Variants in PHACTR1 observed in about 807,000 individuals in gnomAD.
PHACTR1 encodes RPEL repeat containing 1.
PHACTR1 carries 16 observed loss-of-function variants against 69.2 expected under a neutral mutation model. The observed-to-expected ratio is 0.23, with a 90% CI of 0.16 to 0.35. The LOEUF is 0.35. Ranked by LOEUF, PHACTR1 falls within the 10% of genes least tolerant of loss-of-function variation. The pLI is 1.00. For synonymous variants in PHACTR1, 312 were observed against 284.5 expected, an observed-to-expected ratio of 1.10 and a Z score of -0.97; for missense variants, 510 against 734.7, an observed-to-expected ratio of 0.69 and a Z score of 3.54.
chr6:13,064,547 GATATATATATATATATATATATATAT>G lies in PHACTR1; in HGVS notation c.415+11051_415+11076del, dbSNP rs1195089569. On this transcript the variant is annotated intron_variant, in intron 5 of 14. Coordinates refer to ENST00000332995, the MANE Select transcript of PHACTR1 (RefSeq NM_030948.6). ...GCAACGGGAAGGGGAGAAGGGAAAA[GATATATATATATATATATATATATAT>G]ATATATATATATATATATATATATA... Among the ~76,000 whole-genome samples the G allele has an allele frequency of 9.7e-4, 68 of 70,218 alleles. 2 individuals are homozygous for G. The highest frequency in any genetic ancestry group is 2.3e-3 in the African/African-American group (46 of 20,326). The allele number at this position is 70,218 out of a possible 152,430, so 46.1% of individuals were successfully genotyped here.
intron 10 of PHACTR1, among the ~76,000 whole-genome samples, chr6:13,237,575 T>C (rs1045794825): frequency 6.6e-6 from 1 of 152,226 alleles, no homozygotes; most frequent in African/African-American, 2.4e-5. Context: ...GTAGGTATGT[T>C]GTAAATGTAA....
chr6:12,879,260 T>A (rs1350947441), intron 4 of PHACTR1, among the ~76,000 whole-genome samples: 2 of 151,966 alleles, frequency 1.3e-5, no homozygotes, highest in African/African-American at 4.8e-5. Context: ...GAGAGAAGAG[T>A]AATCTCTCTG....
At chr6:13,213,550 A>G (rs1354996452) in intron 8 of PHACTR1, among the ~76,000 whole-genome samples, 1 of 152,144 alleles carries the variant, frequency 6.6e-6, no homozygotes, top group African/African-American at 2.4e-5. Flanking sequence ...CTATGGTTTG[A>G]GTGTCTCTCC....
At chr6:12,972,680 C>G (rs1374686015) in intron 4 of PHACTR1, among the ~76,000 whole-genome samples, 1 of 146,578 alleles carries the variant, frequency 6.8e-6, no homozygotes, top group African/African-American at 2.5e-5. Context: ...GAGACAGAGT[C>G]TCACTCTGTC....
rs183396192 is a variant in PHACTR1, at chr6:13,140,147, A to C, written c.416-20057A>C. Among the ~76,000 whole-genome samples the C allele has an allele frequency of 1.2e-3, 182 of 152,026 alleles. 1 individual carries two copies. The highest frequency in any genetic ancestry group is 4.2e-3 in the African/African-American group (175 of 41,492). On this transcript the variant is annotated intron_variant, in intron 5 of 14. Transcript: ENST00000332995. ...AAAACACAGATAATAACAAATATTGATGAGGATGTGGAGAAATTTGAACCC... is the reference window on the plus strand; with the variant it reads ...AAAACACAGATAATAACAAATATTGCTGAGGATGTGGAGAAATTTGAACCC...
At chr6:13,092,576 A>G (rs1403773992) in intron 5 of PHACTR1, among the ~76,000 whole-genome samples, 1 of 152,206 alleles carries the variant, frequency 6.6e-6, no homozygotes, top group African/African-American at 2.4e-5. Context: ...CTTTATTGCT[A>G]TTATTATTAC....
At chr6:12,787,165 A>G (rs1037713602) in intron 4 of PHACTR1, among the ~76,000 whole-genome samples, 4 of 152,248 alleles carry the variant, frequency 2.6e-5, no homozygotes, top group Admixed American at 1.3e-4. Context: ...TGGTGAAATT[A>G]GGACAATGTG....
Position 13,283,675 on chromosome 6 carries a change from C to G in PHACTR1, c.1650+113C>G. 1 of 1,517,126 alleles carries G rather than the reference C, an allele frequency of 6.6e-7. No homozygotes were observed. Among genetic ancestry groups the G allele is most frequent in the Non-Finnish European group, 9.1e-7 (1 of 1,102,240 alleles). The allele number at this position is 1,517,126 out of a possible 1,614,324, so 94.0% of individuals were successfully genotyped here. On this transcript the variant is annotated intron_variant, in intron 13 of 14. Transcript: ENST00000332995. This position sits in a 1 kb window ranked among gnomAD's most constrained non-coding sequence, Gnocchi z 4.7. ...CTGCAGCCAGGCCTCAGCCGCAGTC[C>G]CCATAATGGAGTGTTGAGACCCCAA...
intron 4 of PHACTR1, among the ~76,000 whole-genome samples, chr6:12,882,391 CA>C (rs1174627617): frequency 1.2e-4 from 18 of 152,098 alleles, no homozygotes; most frequent in African/African-American, 4.3e-4. Flanking sequence ...CCCAGATCCA[CA>C]TAGTGACTTT....
chr6:12,878,405 C>G (rs1030654936), intron 4 of PHACTR1, among the ~76,000 whole-genome samples: 1 of 152,216 alleles, frequency 6.6e-6, no homozygotes, highest in Non-Finnish European at 1.5e-5. Flanking sequence ...TCTAATTCAA[C>G]TCCTGTACTT....
intron 5 of PHACTR1, among the ~76,000 whole-genome samples, chr6:13,105,145 G>T (rs1815879559): frequency 6.6e-6 from 1 of 152,158 alleles, no homozygotes; most frequent in Non-Finnish European, 1.5e-5. Context: ...ACTTTGAGAG[G>T]CCAAGGAGGG....
intron 4 of PHACTR1, among the ~76,000 whole-genome samples, chr6:13,016,216 C>A (rs1346338961): frequency 1.3e-5 from 2 of 152,240 alleles, no homozygotes; most frequent in Non-Finnish European, 2.9e-5. Context: ...CATTTGTATG[C>A]TCAAGATCAT....
At chr6:12,929,421 A>G (rs550596146) in intron 4 of PHACTR1, among the ~76,000 whole-genome samples, 3 of 152,298 alleles carry the variant, frequency 2.0e-5, no homozygotes, top group Middle Eastern at 3.4e-3. Flanking sequence ...CAAACTGTTC[A>G]TCACAGAAAT....
rs1295057071 is a variant in PHACTR1 at position 13,179,432 on chromosome 6, G to A, written c.497-3087G>A. ...TGTGTGTGTGTGTGTGTGTGTGTGT[G>A]TGTGTGTGTGTGTTTAAAAATGTCA... On this transcript the variant is annotated intron_variant, in intron 6 of 14. Transcript: ENST00000332995. This position sits in a 1 kb window ranked among gnomAD's most constrained non-coding sequence, Gnocchi z 4.2. 1.3e-5 allele frequency among the ~76,000 whole-genome samples: 2 copies of A among 151,654 alleles called. No homozygotes were observed. The highest frequency in any genetic ancestry group is 3.9e-4 in the East Asian group (2 of 5,186).
intron 4 of PHACTR1, among the ~76,000 whole-genome samples, chr6:12,833,415 C>T (rs1442943560): frequency 6.6e-6 from 1 of 151,944 alleles, no homozygotes; most frequent in African/African-American, 2.4e-5. Context: ...CCCACCACCA[C>T]ACCTGGCTAA....
chr6:13,040,232 G>T (rs148064202), intron 4 of PHACTR1, among the ~76,000 whole-genome samples: 17 of 152,210 alleles, frequency 1.1e-4, no homozygotes, highest in African/African-American at 3.4e-4. Flanking sequence ...GTCCTGAAGG[G>T]CAGGGCTGAG....
At chr6:12,899,632 C>T (rs571435481) in intron 4 of PHACTR1, among the ~76,000 whole-genome samples, 1 of 152,330 alleles carries the variant, frequency 6.6e-6, no homozygotes, top group African/African-American at 2.4e-5. Flanking sequence ...CCTGCACCCT[C>T]TTCTGGGTTG....
chr6:13,133,641 G>A (rs1485934607), intron 5 of PHACTR1, among the ~76,000 whole-genome samples: 1 of 152,066 alleles, frequency 6.6e-6, no homozygotes, highest in East Asian at 1.9e-4. Flanking sequence ...ATCTCGGCTC[G>A]CTACAACTTC....
rs562919015 is a variant in PHACTR1 at position 12,772,881 on chromosome 6, C to T, written c.250+23091C>T. Among the ~76,000 whole-genome samples the T allele has an allele frequency of 5.3e-5, 8 of 152,292 alleles. No individual in the cohort carries two copies. In the East Asian group the frequency reaches 7.7e-4, roughly 15 times the overall value. ...TTTGCACTAGGATGTGTCGTTGAAT[C>T]GCAGACAAGTGTTAGAAGTGATTAC... On this transcript the variant is annotated intron_variant, in intron 4 of 14. Transcript: ENST00000332995.
Sources: gnomAD v4.1 joint callset for allele counts (sites outside exome capture counted in the v4.1 genomes callset) on GRCh38, gnomAD v4.1.1 for gene constraint, Gnocchi (gnomAD v3.1) non-coding constraint, MANE v1.5 for transcripts, NCBI Gene and HGNC (gene_info 2026-07-23, HGNC 2026-07-21) for gene names.